MTUS2: variants seen among roughly 807,000 people sequenced by gnomAD.
MTUS2 encodes the protein microtubule associated scaffold protein 2.
In MTUS2, 40 loss-of-function variants were observed where a neutral mutation model predicts 114.1. The ratio of observed to expected loss-of-function variants is 0.35; its 90% CI spans 0.27 to 0.46. The LOEUF is 0.46. MTUS2 is among the 20% of genes least tolerant of loss of function. The probability of loss-of-function intolerance (pLI) is 1.00; values close to 1 mark genes in which losing one functional copy is unlikely to be tolerated. For missense variants in MTUS2, 1,679 were observed against 1,705.4 expected (o/e 0.98, Z 0.27); for synonymous variants, 688 against 672.0 (o/e 1.02, Z -0.37).
intron 7 of MTUS2, among the ~76,000 whole-genome samples, chr13:29,345,654 A>T (rs895085795): frequency 3.3e-5 from 5 of 151,894 alleles, no homozygotes; most frequent in African/African-American, 1.2e-4. Flanking sequence ...TTTTTCTGGC[A>T]ATTCAGAGAT....
chr13:29,050,995 T>C (rs536435423), intron 4 of MTUS2, among the ~76,000 whole-genome samples: 4 of 152,248 alleles, frequency 2.6e-5, no homozygotes, highest in African/African-American at 9.6e-5. Context: ...CAGGCCCGGG[T>C]TAGAAGTTTG....
At chr13:29,305,253 C>A in intron 6 of MTUS2, among the ~76,000 whole-genome samples, 1 of 151,736 alleles carries the variant, frequency 6.6e-6, no homozygotes. Context: ...AAATAGACCC[C>A]AAAGCTAGCA....
Position 29,026,427 on chromosome 13 carries a change from A to G in MTUS2, c.1729A>G (p.Ser577Gly). Residue 577 changes from serine to glycine, a missense_variant, in exon 3 of 16, where the codon AGT becomes GGT. Physicochemically the swap from Ser to Gly is moderately conservative, Grantham distance 56. Around this residue, in one of 3 missense-constraint regions of MTUS2, gnomAD observed 843 missense variants for 770.8 expected, o/e 1.09. Transcript: ENST00000612955. Reference protein sequence around the residue: ...SPLVVPPPTDSARLLNTSPKV... With the variant: ...SPLVVPPPTDGARLLNTSPKV... ...CTTGGTAGTTCCACCCCCTACTGAT[A>G]GTGCACGCTTGTTGAACACGTCCCC... is the stretch of plus-strand genomic sequence containing the variant. The G allele has an allele frequency of 6.2e-7, 1 of 1,613,950 alleles. No homozygotes were observed. Among genetic ancestry groups the G allele is most frequent in the Non-Finnish European group, 8.5e-7 (1 of 1,179,872 alleles).
intron 3 of MTUS2, among the ~76,000 whole-genome samples, chr13:29,031,533 G>A (rs1886831010): frequency 1.3e-5 from 2 of 151,886 alleles, no homozygotes; most frequent in Non-Finnish European, 2.9e-5. Context: ...GGTAGAGTTG[G>A]TGCTGCAGCT....
chr13:29,220,573 A>G (rs1895868582), intron 5 of MTUS2, among the ~76,000 whole-genome samples: 1 of 152,226 alleles, frequency 6.6e-6, no homozygotes, highest in African/African-American at 2.4e-5. Context: ...GGAGAGGGAC[A>G]GGGAAGAGCC....
chr13:28,899,947 G>T (rs73437247), intron 2 of MTUS2, among the ~76,000 whole-genome samples: 3,549 of 151,978 alleles, frequency 0.023, 137 homozygotes, highest in African/African-American at 0.08. Context: ...GAGTGCAACG[G>T]CAGGATCTCG....
intron 2 of MTUS2, among the ~76,000 whole-genome samples, chr13:29,008,179 T>G (rs1885682039): frequency 6.6e-6 from 1 of 152,186 alleles, no homozygotes; most frequent in African/African-American, 2.4e-5. Context: ...AACTCCTGAT[T>G]GTGCCAAGTC....
intron 5 of MTUS2, among the ~76,000 whole-genome samples, chr13:29,252,398 C>T (rs1897152194): frequency 6.6e-6 from 1 of 152,180 alleles, no homozygotes; most frequent in Non-Finnish European, 1.5e-5. Flanking sequence ...CTTTTGGCCT[C>T]ATCCTGATAG....
At chr13:28,853,532 CTGGTGGAAGTTCCAT>C (rs1876434753) in intron 2 of MTUS2, among the ~76,000 whole-genome samples, 1 of 152,180 alleles carries the variant, frequency 6.6e-6, no homozygotes, top group Non-Finnish European at 1.5e-5. Context: ...CTTGAGGCAG[CTGGTGGAAGTTCCAT>C]TGTGTGGAGT....
chr13:29,314,247 C>A (rs1224896505), intron 6 of MTUS2, among the ~76,000 whole-genome samples: 1 of 152,060 alleles, frequency 6.6e-6, no homozygotes, highest in African/African-American at 2.4e-5. Flanking sequence ...AAAACAAAAC[C>A]ACACTGAGGT....
chr13:29,266,879 C>T (rs114695413), intron 5 of MTUS2, among the ~76,000 whole-genome samples: 7 of 152,156 alleles, frequency 4.6e-5, no homozygotes, highest in Non-Finnish European at 8.8e-5. Flanking sequence ...TGGAATCCTA[C>T]CTGCCTGGGG....
At chr13:29,498,294 G>C in intron 13 of MTUS2, 124 bp from the exon 14 acceptor site, 2 of 1,340,002 alleles carry the variant, frequency 1.5e-6, no homozygotes, top group Admixed American at 2.0e-5. Context: ...TCTCTCTTTG[G>C]TGTTGCAGTT....
chr13:29,453,579 G>A (rs913945782), intron 9 of MTUS2, among the ~76,000 whole-genome samples: 1 of 151,420 alleles, frequency 6.6e-6, no homozygotes, highest in Non-Finnish European at 1.5e-5. Flanking sequence ...AACCCAGTCA[G>A]GGGTTCAGAA....
chr13:29,461,603 A>G (rs1389130228), intron 9 of MTUS2, among the ~76,000 whole-genome samples: 3 of 152,188 alleles, frequency 2.0e-5, no homozygotes, highest in African/African-American at 7.2e-5. Flanking sequence ...AAACAGGACA[A>G]TTTGCTTGTG....
intron 5 of MTUS2, among the ~76,000 whole-genome samples, chr13:29,229,571 C>G (rs1202183061): frequency 2.6e-5 from 4 of 152,156 alleles, no homozygotes; most frequent in Non-Finnish European, 5.9e-5. Context: ...TTGGGTTGGA[C>G]TCGGTCTCAA....
intron 8 of MTUS2, among the ~76,000 whole-genome samples, chr13:29,425,615 T>C (rs3121758): frequency 0.18 from 27,195 of 152,110 alleles, 2,958 homozygotes; most frequent in East Asian, 0.51. Flanking sequence ...AACCTGGAAA[T>C]AGGGATATGA....
chr13:29,472,488 C>G (rs1880395423), intron 9 of MTUS2, among the ~76,000 whole-genome samples: 1 of 152,174 alleles, frequency 6.6e-6, no homozygotes, highest in Admixed American at 6.5e-5. Flanking sequence ...TGCGGATGTT[C>G]CTGTGACCTA....
rs532135781 is a variant in MTUS2 at position 29,505,541 on chromosome 13, C to T, written c.*2335C>T. The T allele has an allele frequency of 4.8e-5, 11 of 229,952 alleles. No homozygotes were observed. The highest frequency in any genetic ancestry group is 6.9e-5 in the Non-Finnish European group (8 of 116,008). The allele number at this position is 229,952 out of a possible 1,614,324, so 14.2% of individuals were successfully genotyped here. A position where few individuals can be genotyped will look rare whatever the true frequency, so the allele number is the denominator to read the frequency against. ...ATCACCGCTCCCGAAACACATGGGGCGGCAGCTGCTGTGCCTCCTTCTCAA... is the reference window on the plus strand; with the variant it reads ...ATCACCGCTCCCGAAACACATGGGGTGGCAGCTGCTGTGCCTCCTTCTCAA... On this transcript the variant is annotated 3_prime_UTR_variant, in exon 16 of 16. Coordinates refer to ENST00000612955, the MANE Select transcript of MTUS2 (RefSeq NM_001033602.4).
chr13:29,432,511 C>T (rs1877079551), intron 8 of MTUS2, among the ~76,000 whole-genome samples: 1 of 152,166 alleles, frequency 6.6e-6, no homozygotes, highest in African/African-American at 2.4e-5. Context: ...CATGTTATTT[C>T]TTTTTAGAGT....
Sources: gnomAD v4.1 joint callset for allele counts (sites outside exome capture counted in the v4.1 genomes callset) on GRCh38, gnomAD v4.1.1 for gene constraint, gnomAD v4.1.1 regional missense constraint, MANE v1.5 for transcripts, NCBI Gene and HGNC (gene_info 2026-07-23, HGNC 2026-07-21) for gene names.